Variants in TELO2 observed in about 807,000 individuals in gnomAD.
TELO2 encodes telomere length regulation protein TEL2 homolog.
TELO2 carries 71 observed loss-of-function variants against 91.0 expected under a neutral mutation model. The observed-to-expected ratio is 0.78, with a 90% CI of 0.64 to 0.95. The LOEUF (loss-of-function observed/expected upper bound fraction) is 0.95. Among genes scored for constraint, TELO2 ranks in the 40% least tolerant of loss-of-function variants. The probability of loss-of-function intolerance (pLI) is 0.00; values close to 1 mark genes in which losing one functional copy is unlikely to be tolerated. For missense variants in TELO2, 1,183 were observed against 1,141.3 expected, an observed-to-expected ratio of 1.04 and a Z score of -0.53; for synonymous variants, 584 against 518.9, an observed-to-expected ratio of 1.13 and a Z score of -1.71.
rs1417720616 is a variant in TELO2 at position 1,499,343 on chromosome 16, C to A, written c.933+10C>A. The stretch of plus-strand genomic sequence containing the variant: ...ACAGTCCCGGCTCACGGTGAGGACG[C>A]CACGGAGGGTGCAGGCTGCTGGCTG... On this transcript the variant is annotated intron_variant, in intron 6 of 20. Transcript: ENST00000262319. 9 of 795,516 alleles carry A rather than the reference C, an allele frequency of 1.1e-5. No homozygotes were observed. Among genetic ancestry groups the A allele is most frequent in the African/African-American group, 4.4e-5 (1 of 22,542 alleles). 49.3% of individuals were successfully genotyped at this position (795,516 alleles called of 1,614,324 possible). A position where few individuals can be genotyped will look rare whatever the true frequency, so the allele number is the denominator to read the frequency against.
At position 1,497,463 on chromosome 16, in the gene TELO2, G is replaced by T; in HGVS notation, c.785G>T (p.Arg262Leu). The T allele has an allele frequency of 6.4e-7, 1 of 1,574,092 alleles. No homozygotes were observed. Among genetic ancestry groups the T allele is most frequent in the East Asian group, 2.4e-5 (1 of 42,430 alleles). Residue 262 changes from arginine to leucine, a missense_variant, in exon 5 of 21, where the codon CGG becomes CTG. Arg to Leu is a moderately radical substitution (Grantham distance 102, BLOSUM62 -2). Coordinates refer to ENST00000262319, the MANE Select transcript of TELO2 (RefSeq NM_016111.4). This position sits in a 1 kb window ranked among gnomAD's most constrained non-coding sequence, Gnocchi z 4.0. Reference sequence around the variant, plus strand: ...CGCCTGGTGGAGCAAGTGCCGGACCGGGCCATGGAGGCTGTGCTGACCGGG... The same window carrying T: ...CGCCTGGTGGAGCAAGTGCCGGACCTGGCCATGGAGGCTGTGCTGACCGGG... ...CWRLVEQVPD[R>L]AMEAVLTGLV...
Position 1,500,169 on chromosome 16 carries a change from G to T in TELO2, c.1002+5G>T, listed in dbSNP as rs369447841. On this transcript the variant is annotated splice_donor_5th_base_variant and intron_variant, in intron 7 of 20. Coordinates refer to ENST00000262319, the MANE Select transcript of TELO2 (RefSeq NM_016111.4). ...CGGCGCCCGCTCCTGCTGCAGGTAC[G>T]TGCCTCCTGGCTCTCCGTCCCTGCG... 2 of 1,600,452 alleles carry T rather than the reference G, an allele frequency of 1.2e-6. No individual in the cohort carries two copies. Among genetic ancestry groups the T allele is most frequent in the Non-Finnish European group, 1.7e-6 (2 of 1,177,292 alleles).
rs1002099104 is a variant in TELO2 at position 1,495,488 on chromosome 16, G to A, written c.478G>A (p.Val160Met). The A allele has an allele frequency of 1.2e-5, 20 of 1,610,960 alleles. No homozygotes were observed. The highest frequency in any genetic ancestry group is 1.5e-5 in the Non-Finnish European group (18 of 1,179,750). Reference sequence around the variant, plus strand: ...GCTCCGGGAGACGCTGCTGGGCAAGGTGGTGGCCCTGCCCGATCACCTGGG... The same window carrying A: ...GCTCCGGGAGACGCTGCTGGGCAAGATGGTGGCCCTGCCCGATCACCTGGG... ...ILLRETLLGK[V>M]VALPDHLGNR... Residue 160 changes from valine to methionine, a missense_variant, in exon 3 of 21, where the codon GTG becomes ATG. Val to Met is a conservative substitution (Grantham distance 21). Coordinates refer to ENST00000262319, the MANE Select transcript of TELO2 (RefSeq NM_016111.4).
chr16:1,500,815 G>C (rs903728024), intron 9 of TELO2, 116 bp downstream of exon 9: 7 of 1,457,274 alleles, frequency 4.8e-6, no homozygotes, highest in Non-Finnish European at 6.4e-6. Flanking sequence ...CGGAGCGTCC[G>C]TGTGGACTTC....
In TELO2 at chr16:1,494,831, C is replaced by T. The variant is rs371398297; in HGVS notation, c.335+215C>T. The stretch of plus-strand genomic sequence containing the variant: ...CTCACAAAGTCCCCCACTTGCTCCC[C>T]GTCCGGCTGTGTCAGAGAGGGATGG... On this transcript the variant is annotated intron_variant, in intron 2 of 20. Transcript: ENST00000262319. This position sits in a 1 kb window ranked among gnomAD's most constrained non-coding sequence, Gnocchi z 5.6. Among the ~76,000 whole-genome samples, 38 of 152,348 alleles carry T rather than the reference C, an allele frequency of 2.5e-4. No homozygotes were observed. In the East Asian group the frequency reaches 3.9e-3, roughly 15 times the overall value.
chr16:1,502,583 C>G (rs781589613), intron 13 of TELO2, 62 bp from the exon 14 acceptor site: 28 of 1,573,742 alleles, frequency 1.8e-5, no homozygotes, highest in Non-Finnish European at 2.4e-5. Context: ...CTGTGAGCCT[C>G]GGTGAGGCCT....
In TELO2 at chr16:1,497,602, T is replaced by C; in HGVS notation, c.830+94T>C. 1 of 1,442,716 alleles carries C rather than the reference T, an allele frequency of 6.9e-7. No homozygotes were observed. Among genetic ancestry groups the C allele is most frequent in the African/African-American group, 1.4e-5 (1 of 70,556 alleles). The allele number at this position is 1,442,716 out of a possible 1,614,324, so 89.4% of individuals were successfully genotyped here. On this transcript the variant is annotated intron_variant, in intron 5 of 20. Transcript: ENST00000262319. The surrounding 1 kb of genome is among the most constrained non-coding windows in gnomAD (Gnocchi z 4.0). ...TTCACGCTACTTCTCCTGGGCGCCGTGCTGCAGCTGGCACCCCCATGTAGG... is the reference window on the plus strand; with the variant it reads ...TTCACGCTACTTCTCCTGGGCGCCGCGCTGCAGCTGGCACCCCCATGTAGG...
chr16:1,500,312 G>A lies in TELO2; in HGVS notation c.1003-35G>A, dbSNP rs774328798. ...GGCCTGGCGGGGACAGACTGGCCCC[G>A]AGCCCCACACAGTCGTGGGCCATGC... On this transcript the variant is annotated intron_variant, in intron 7 of 20. Coordinates refer to ENST00000262319, the MANE Select transcript of TELO2 (RefSeq NM_016111.4). 1.2e-5 allele frequency: 18 copies of A among 1,550,734 alleles called. No homozygotes were observed. The East Asian group carries it at 1.9e-4, about 16-fold the overall frequency.
chr16:1,494,576 G>A lies in TELO2; in HGVS notation c.295G>A (p.Ala99Thr). The stretch of plus-strand genomic sequence containing the variant: ...CTTCCTGGAGGGCCCGGCGGACCAA[G>A]CCTTCCTGGTGTTGATGGAGACCAT... The part of the protein sequence containing the change: ...SFFLEGPADQ[A>T]FLVLMETIEG... Residue 99 changes from alanine (A) to threonine (T), a missense_variant, in exon 2 of 21, where the codon GCC becomes ACC. Transcript: ENST00000262319. The surrounding 1 kb of genome is among the most constrained non-coding windows in gnomAD (Gnocchi z 5.6). The A allele has an allele frequency of 6.2e-7, 1 of 1,613,578 alleles. No homozygotes were observed. Among genetic ancestry groups the A allele is most frequent in the Non-Finnish European group, 8.5e-7 (1 of 1,179,944 alleles).
intron 20 of TELO2, among the ~76,000 whole-genome samples, chr16:1,509,032 G>A (rs1487140258): frequency 2.0e-5 from 3 of 151,414 alleles, no homozygotes; most frequent in Non-Finnish European, 4.4e-5. Flanking sequence ...TGGAGGAGGA[G>A]AGGTTCCCCT....
chr16:1,502,365 T>G lies in TELO2; in HGVS notation c.1614T>G (p.Leu538=), dbSNP rs774584939. The G allele has an allele frequency of 3.7e-6, 6 of 1,605,698 alleles. No individual in the cohort carries two copies. The highest frequency in any genetic ancestry group is 1.1e-5 in the South Asian group (1 of 89,862). ...IERWEAALRA[L]EGLVYRSPTA... Reference sequence around the variant, plus strand: ...GCTGGGAGGCAGCCCTGCGGGCCCTTGAGGGCCTGGTCTACAGGAGCCCCA... The same window carrying G: ...GCTGGGAGGCAGCCCTGCGGGCCCTGGAGGGCCTGGTCTACAGGAGCCCCA... The change falls in exon 13 of 21, where the codon CTT becomes CTG. Residue 538 remains leucine (L), a synonymous_variant. Coordinates refer to ENST00000262319, the MANE Select transcript of TELO2 (RefSeq NM_016111.4).
rs756822861 is a variant in TELO2 at position 1,505,627 on chromosome 16, A to G, written c.2034+26A>G. On this transcript the variant is annotated intron_variant, in intron 16 of 20. Transcript: ENST00000262319. This position sits in a 1 kb window ranked among gnomAD's most constrained non-coding sequence, Gnocchi z 4.3. ...GTTAGTGGCGCCTGGTCAGCTCCTC[A>G]CGGGCATGGGGACCGTGGGTGGGTG... The G allele has an allele frequency of 1.4e-6, 2 of 1,476,564 alleles. No individual in the cohort carries two copies. Among genetic ancestry groups the G allele is most frequent in the South Asian group, 1.1e-5 (1 of 87,962 alleles). 91.5% of individuals were successfully genotyped at this position (1,476,564 alleles called of 1,614,324 possible).
At chr16:1,503,521 G>A (rs75232707) in intron 15 of TELO2, among the ~76,000 whole-genome samples, 3,588 of 152,262 alleles carry the variant, frequency 0.024, 145 homozygotes, top group African/African-American at 0.081. Context: ...CCGCACTCCC[G>A]TGTGGGTGAG....
chr16:1,497,624 T>G lies in TELO2; in HGVS notation c.830+116T>G. The G allele has an allele frequency of 2.2e-6, 3 of 1,367,012 alleles. No homozygotes were observed. Among genetic ancestry groups the G allele is most frequent in the Non-Finnish European group, 2.9e-6 (3 of 1,027,860 alleles). The allele number at this position is 1,367,012 out of a possible 1,614,324, so 84.7% of individuals were successfully genotyped here. A position where few individuals can be genotyped will look rare whatever the true frequency, so the allele number is the denominator to read the frequency against. On this transcript the variant is annotated intron_variant, in intron 5 of 20. Coordinates refer to ENST00000262319, the MANE Select transcript of TELO2 (RefSeq NM_016111.4). The surrounding 1 kb of genome is among the most constrained non-coding windows in gnomAD (Gnocchi z 4.0). ...CCGTGCTGCAGCTGGCACCCCCATGTAGGTGCCACAGGGTGTGGGTGGTGC... is the reference window on the plus strand; with the variant it reads ...CCGTGCTGCAGCTGGCACCCCCATGGAGGTGCCACAGGGTGTGGGTGGTGC...
At position 1,501,395 on chromosome 16, in the gene TELO2, C is replaced by T. The variant is rs1223444277; in HGVS notation, c.1282-25C>T. On this transcript the variant is annotated intron_variant, in intron 9 of 20. Transcript: ENST00000262319. ...AGGGGCGCTGCAGCCTGGCGGATGC[C>T]GCTGAGCCTGCTCCCCTGCTGTAGT... 35 of 1,608,450 alleles carry T rather than the reference C, an allele frequency of 2.2e-5. 1 individual carries two copies. The Admixed American group carries it at 3.0e-4, about 14-fold the overall frequency.
rs755320103 is a variant in TELO2 at position 1,507,660 on chromosome 16, C to A, written c.2351C>A (p.Ala784Glu). The A allele has an allele frequency of 1.9e-6, 3 of 1,602,760 alleles. No homozygotes were observed. Among genetic ancestry groups the A allele is most frequent in the South Asian group, 2.2e-5 (2 of 90,792 alleles). Reference sequence around the variant, plus strand: ...TCCGTCCTGCTCAGCCTGCCTGCTGCGCGCCTGCTGGAGGACCTGATGGAC... The same window carrying A: ...TCCGTCCTGCTCAGCCTGCCTGCTGAGCGCCTGCTGGAGGACCTGATGGAC... ...VSSVLLSLPA[A>E]RLLEDLMDEL... Residue 784 changes from alanine (A) to glutamate (E), a missense_variant, in exon 20 of 21, where the codon GCG (alanine) becomes GAG (glutamate). Ala to Glu is a moderately radical substitution (Grantham distance 107, BLOSUM62 -1). Transcript: ENST00000262319.
Position 1,495,588 on chromosome 16 carries a change from T to A in TELO2, c.578T>A (p.Val193Asp). ...TTCCGCCTGCTCGGCGAGGAGGTCG[T>A]CCGGGTGCTGCAGGCGGTTGTGGAC... ...NYFRLLGEEVVRVLQAVVDSL... is the reference protein window; with the variant it reads ...NYFRLLGEEVDRVLQAVVDSL... The change falls in exon 3 of 21, where the codon GTC becomes GAC. Residue 193 changes from valine (V) to aspartate (D), a missense_variant. Coordinates refer to ENST00000262319, the MANE Select transcript of TELO2 (RefSeq NM_016111.4). The A allele has an allele frequency of 6.2e-7, 1 of 1,607,046 alleles. No homozygotes were observed.
In TELO2 at chr16:1,500,621, C is replaced by T. The variant is rs150692539; in HGVS notation, c.1203C>T (p.Pro401=). The part of the protein sequence containing the change: ...VKCRLDSSLP[P]VRRLGMIVAE... The stretch of plus-strand genomic sequence containing the variant: ...GCCGCCTGGACAGTAGCCTGCCCCC[C>T]GTGCGACGCCTGGGCATGATCGTGG... Residue 401 remains proline (P), a synonymous_variant, in exon 9 of 21, where the codon CCC becomes CCT. Transcript: ENST00000262319. 370 of 1,612,282 alleles carry T rather than the reference C, an allele frequency of 2.3e-4. No homozygotes were observed. Among genetic ancestry groups the T allele is most frequent in the Non-Finnish European group, 2.8e-4 (335 of 1,179,784 alleles).
At chr16:1,504,659 G>A (rs1379709241) in intron 15 of TELO2, among the ~76,000 whole-genome samples, 2 of 138,266 alleles carry the variant, frequency 1.4e-5, no homozygotes, top group Non-Finnish European at 3.1e-5. Flanking sequence ...CCGGGTTCAC[G>A]CCATTCTCCT....
Sources: allele counts gnomAD v4.1 joint callset (sites outside exome capture counted in the v4.1 genomes callset), GRCh38; gene constraint gnomAD v4.1.1; non-coding constraint Gnocchi (gnomAD v3.1); transcripts MANE v1.5; gene names NCBI Gene and HGNC (gene_info 2026-07-23, HGNC 2026-07-21).